KDM5B: variants seen among roughly 807,000 people sequenced by gnomAD.
KDM5B encodes the protein lysine-specific demethylase 5B.
Under a neutral mutation model 193.4 loss-of-function variants are expected in KDM5B, and 144 were observed. The ratio of observed to expected loss-of-function variants is 0.74; its 90% CI spans 0.65 to 0.86. The LOEUF (loss-of-function observed/expected upper bound fraction) is 0.86, where lower values mean the gene tolerates loss of function less well. KDM5B is among the 40% of genes least tolerant of loss of function. The pLI is 0.00. For synonymous variants in KDM5B, 668 were observed against 682.6 expected (o/e 0.98, Z 0.33); for missense variants, 1,833 against 1,886.9 (o/e 0.97, Z 0.53).
intron 3 of KDM5B, among the ~76,000 whole-genome samples, chr1:202,774,261 T>C (rs72750682): frequency 0.017 from 2,610 of 152,316 alleles, 125 homozygotes; most frequent in East Asian, 0.16. Flanking sequence ...TCTTTCTTTT[T>C]TGAGACAGGG....
At position 202,731,387 on chromosome 1, in the gene KDM5B, T is replaced by C. The variant is rs146219152; in HGVS notation, c.4022-324A>G. The stretch of plus-strand genomic sequence containing the variant: ...TCTAACAGAAAGCACAGAAACAGAC[T>C]GATGGCCACAGTGTCAACAGTCTGA... On this transcript the variant is annotated intron_variant, in intron 24 of 26. Transcript: ENST00000367265. Among the ~76,000 whole-genome samples the C allele has an allele frequency of 4.6e-3, 696 of 152,342 alleles. 6 individuals carry two copies. The highest frequency in any genetic ancestry group is 0.016 in the African/African-American group (661 of 41,574).
intron 1 of KDM5B, among the ~76,000 whole-genome samples, chr1:202,797,468 T>A (rs1190746005): frequency 3.3e-5 from 5 of 152,204 alleles, no homozygotes; most frequent in Non-Finnish European, 4.4e-5. Context: ...AGTCTAAATA[T>A]AATTAACTTC....
intron 18 of KDM5B, 135 bp downstream of exon 18, chr1:202,742,256 A>G: frequency 1.6e-6 from 1 of 625,954 alleles, no homozygotes; most frequent in Admixed American, 2.6e-5. Flanking sequence ...TATACCACTC[A>G]ATAGGTTATT....
At position 202,753,427 on chromosome 1, in the gene KDM5B, G is replaced by A. The variant is rs185985035; in HGVS notation, c.1539-360C>T. ...GAAGATTCACTTGACCCCAGGAGGT[G>A]GAGGATCCAGTGAGCAGAGATCACA... On this transcript the variant is annotated intron_variant, in intron 11 of 26. Transcript: ENST00000367265. Among the ~76,000 whole-genome samples, 58 of 152,190 alleles carry A rather than the reference G, an allele frequency of 3.8e-4. No individual in the cohort carries two copies. In the East Asian group the frequency reaches 0.01, roughly 27 times the overall value.
chr1:202,796,305 G>A (rs1657843865), intron 1 of KDM5B: 2 of 412,464 alleles, frequency 4.8e-6, no homozygotes, highest in Admixed American at 5.5e-5. Context: ...GTGCCACCTG[G>A]TTTTAAGACC....
intron 1 of KDM5B, among the ~76,000 whole-genome samples, chr1:202,801,758 C>T (rs1658085261): frequency 6.6e-6 from 1 of 152,182 alleles, no homozygotes; most frequent in South Asian, 2.1e-4. Context: ...ACAAGTTTCT[C>T]ACAATCTGGA....
At chr1:202,780,899 T>C (rs1171308236) in intron 1 of KDM5B, among the ~76,000 whole-genome samples, 2 of 152,114 alleles carry the variant, frequency 1.3e-5, no homozygotes, top group African/African-American at 2.4e-5. Context: ...CCTAATAACA[T>C]TGTGTTGAAT....
chr1:202,757,207 A>C (rs1273694091), intron 9 of KDM5B, among the ~76,000 whole-genome samples: 2 of 152,196 alleles, frequency 1.3e-5, no homozygotes, highest in African/African-American at 2.4e-5. Context: ...CTGATCTGAC[A>C]GGACGCAGAG....
At chr1:202,732,505 C>T (rs1317465928) in intron 23 of KDM5B, among the ~76,000 whole-genome samples, 1 of 152,252 alleles carries the variant, frequency 6.6e-6, no homozygotes, top group East Asian at 1.9e-4. Flanking sequence ...GGAGTGTGCA[C>T]AAATGCCACA....
At chr1:202,767,815 T>C (rs1243574931) in intron 4 of KDM5B, among the ~76,000 whole-genome samples, 1 of 152,172 alleles carries the variant, frequency 6.6e-6, no homozygotes, top group Non-Finnish European at 1.5e-5. Flanking sequence ...GAGTTATTTG[T>C]GCTTGCGACT....
At chr1:202,740,239 T>C (rs1384658076) in intron 20 of KDM5B, among the ~76,000 whole-genome samples, 49 of 93,802 alleles carry the variant, frequency 5.2e-4, no homozygotes, top group African/African-American at 8.2e-4. Context: ...GGGCTGACCC[T>C]CCCGCCTCCC....
chr1:202,785,002 C>A (rs1251494428), intron 1 of KDM5B, among the ~76,000 whole-genome samples: 1 of 148,078 alleles, frequency 6.8e-6, no homozygotes, highest in Non-Finnish European at 1.5e-5. Flanking sequence ...AAAGTGAGAG[C>A]CTGTCTCAAA....
chr1:202,804,751 T>C (rs1157756651), intron 1 of KDM5B, among the ~76,000 whole-genome samples: 2 of 151,518 alleles, frequency 1.3e-5, no homozygotes, highest in African/African-American at 4.8e-5. Flanking sequence ...GGCTCACGCC[T>C]GTAATCCCAG....
chr1:202,749,685 A>C (rs1189561279), intron 13 of KDM5B, among the ~76,000 whole-genome samples: 3 of 151,800 alleles, frequency 2.0e-5, no homozygotes, highest in African/African-American at 7.3e-5. Context: ...AAAAAAAAAG[A>C]CCCAGCATAT....
chr1:202,774,799 A>G lies in KDM5B; in HGVS notation c.283-64T>C, dbSNP rs189170615. 5.5e-4 allele frequency: 814 copies of G among 1,492,300 alleles called. 24 individuals are homozygous for G. In the East Asian group the frequency reaches 0.01, roughly 19 times the overall value. 92.4% of individuals were successfully genotyped at this position (1,492,300 alleles called of 1,614,324 possible). A position where few individuals can be genotyped will look rare whatever the true frequency, so the allele number is the denominator to read the frequency against. On this transcript the variant is annotated intron_variant, in intron 2 of 26. Coordinates refer to ENST00000367265, the MANE Select transcript of KDM5B (RefSeq NM_006618.5). ...TATTTTAAAGCTCCTATTACCTGCC[A>G]TTATTTTCTTTCACAGAATATTTAA...
intron 20 of KDM5B, among the ~76,000 whole-genome samples, chr1:202,737,103 G>C (rs969039128): frequency 3.3e-5 from 5 of 152,058 alleles, no homozygotes; most frequent in African/African-American, 4.8e-5. Context: ...AGTAACTCAA[G>C]ACTTTCATAC....
chr1:202,800,621 G>A (rs927293909), intron 1 of KDM5B, among the ~76,000 whole-genome samples: 3 of 152,164 alleles, frequency 2.0e-5, no homozygotes, highest in African/African-American at 7.2e-5. Context: ...AATTACAGGT[G>A]AGAGCCACCA....
rs367996043 is a variant in KDM5B, at chr1:202,741,649, G to A, written c.2663C>T (p.Ala888Val). 4.1e-5 allele frequency: 66 copies of A among 1,613,944 alleles called. 1 individual carries two copies. The highest frequency in any genetic ancestry group is 2.2e-5 in the East Asian group (1 of 44,902). Residue 888 changes from alanine (A) to valine (V), a missense_variant, in exon 19 of 27, where the codon GCG (alanine) becomes GTG (valine). Physicochemically the swap from Ala to Val is moderately conservative, Grantham distance 64. Around this residue, in one of 3 missense-constraint regions of KDM5B, gnomAD observed 1,379 missense variants for 1,349.6 expected, o/e 1.02. Coordinates refer to ENST00000367265, the MANE Select transcript of KDM5B (RefSeq NM_006618.5). The part of the protein sequence containing the change: ...KLLSEETPSA[A>V]ELQDLLDVSF... ...GACATCTAGCAAGTCCTGCAGCTCC[G>A]CAGCACTAGGCGTTTCCTCAGAGAG...
At chr1:202,765,431 T>G (rs764112050) in intron 5 of KDM5B, among the ~76,000 whole-genome samples, 1 of 152,230 alleles carries the variant, frequency 6.6e-6, no homozygotes, top group African/African-American at 2.4e-5. Flanking sequence ...TCATACATTT[T>G]AATGATGTCC....
Sources: allele counts gnomAD v4.1 joint callset (sites outside exome capture counted in the v4.1 genomes callset), GRCh38; gene constraint gnomAD v4.1.1; regional missense constraint gnomAD v4.1.1; transcripts MANE v1.5; gene names NCBI Gene and HGNC (gene_info 2026-07-23, HGNC 2026-07-21).